The following ZCCHC7 variants were observed in gnomAD, a reference collection of about 807,000 sequenced individuals.
ZCCHC7 encodes the protein zinc finger CCHC-type containing 7.
In ZCCHC7, 35 loss-of-function variants were observed where a neutral mutation model predicts 52.0. The ratio of observed to expected loss-of-function variants is 0.67; its 90% confidence interval spans 0.51 to 0.89. The LOEUF is 0.89. Ranked by LOEUF, ZCCHC7 falls within the 40% of genes least tolerant of loss-of-function variation. The pLI, the probability that ZCCHC7 is intolerant of heterozygous loss-of-function variation, is 0.00. For missense variants in ZCCHC7, 574 were observed against 649.1 expected (o/e 0.88, Z 1.26); for synonymous variants, 217 against 221.5 (o/e 0.98, Z 0.18).
chr9:37,157,302 G>C (rs1386684540), intron 2 of ZCCHC7, among the ~76,000 whole-genome samples: 1 of 151,494 alleles, frequency 6.6e-6, no homozygotes, highest in Non-Finnish European at 1.5e-5. Context: ...TTTGAAACTA[G>C]CCTGGGCAAC....
chr9:37,220,496 C>T (rs1279183003), intron 2 of ZCCHC7, among the ~76,000 whole-genome samples: 2 of 152,050 alleles, frequency 1.3e-5, no homozygotes, highest in Non-Finnish European at 2.9e-5. Context: ...GAGCTGAGAT[C>T]GTGCCACTGC....
At chr9:37,269,048 G>A (rs138502910) in intron 2 of ZCCHC7, among the ~76,000 whole-genome samples, 3 of 152,324 alleles carry the variant, frequency 2.0e-5, no homozygotes, top group African/African-American at 7.2e-5. Context: ...GGCAAAGAGT[G>A]TTTTGATCCA....
rs5897683 is a variant in ZCCHC7, at chr9:37,258,757, TAAAAAAAAAAAA to T, written c.611-43414_611-43403del. On this transcript the variant is annotated intron_variant, in intron 2 of 8. Coordinates refer to ENST00000336755, the MANE Select transcript of ZCCHC7 (RefSeq NM_032226.3). The stretch of plus-strand genomic sequence containing the variant: ...GGTGAGAGAGCGAGATCCTGTCTCT[TAAAAAAAAAAAA>T]AAAAAAAAAAAAAAAAGTTTGTTCT... Among the ~76,000 whole-genome samples the T allele has an allele frequency of 3.4e-4, 19 of 55,368 alleles. No homozygotes were observed. In the South Asian group the frequency reaches 5.0e-3, roughly 15 times the overall value. 36.3% of individuals were successfully genotyped at this position (55,368 alleles called of 152,430 possible).
chr9:37,129,235 T>C (rs1842670306), intron 2 of ZCCHC7, among the ~76,000 whole-genome samples: 1 of 152,236 alleles, frequency 6.6e-6, no homozygotes, highest in Non-Finnish European at 1.5e-5. Context: ...ATGAATTAGG[T>C]GCTGGATTTA....
intron 2 of ZCCHC7, among the ~76,000 whole-genome samples, chr9:37,163,330 G>A (rs1192993206): frequency 1.4e-5 from 2 of 147,800 alleles, no homozygotes; most frequent in East Asian, 3.9e-4. Flanking sequence ...GGAGGTTGCA[G>A]TGAGCCAAGA....
At chr9:37,342,566 T>C (rs1380588964) in intron 6 of ZCCHC7, among the ~76,000 whole-genome samples, 1 of 152,064 alleles carries the variant, frequency 6.6e-6, no homozygotes, top group Non-Finnish European at 1.5e-5. Flanking sequence ...GAGAGATGGA[T>C]AGAAGCCAAC....
intron 2 of ZCCHC7, among the ~76,000 whole-genome samples, chr9:37,256,564 G>A (rs1196771350): frequency 6.6e-6 from 1 of 152,082 alleles, no homozygotes; most frequent in Non-Finnish European, 1.5e-5. Flanking sequence ...ACTTAGGAAT[G>A]TTCTTGAAGC....
intron 2 of ZCCHC7, among the ~76,000 whole-genome samples, chr9:37,202,283 TTAAAGGG>T (rs1338708504): frequency 2.0e-5 from 3 of 152,118 alleles, no homozygotes; most frequent in East Asian, 1.9e-4. Flanking sequence ...GAAGATAAAG[TTAAAGGG>T]TAAACAGTCA....
intron 5 of ZCCHC7, among the ~76,000 whole-genome samples, chr9:37,306,937 A>G (rs1829355280): frequency 1.3e-5 from 2 of 150,564 alleles, no homozygotes; most frequent in Admixed American, 6.6e-5. Context: ...ACAGGCGCCC[A>G]CCACCATGCC....
chr9:37,194,317 G>A (rs1447130437), intron 2 of ZCCHC7, among the ~76,000 whole-genome samples: 5 of 152,166 alleles, frequency 3.3e-5, no homozygotes, highest in African/African-American at 1.2e-4. Context: ...AGAGACTTTA[G>A]AGCTTACTTA....
intron 2 of ZCCHC7, among the ~76,000 whole-genome samples, chr9:37,140,722 C>G (rs552140474): frequency 6.6e-6 from 1 of 152,108 alleles, no homozygotes; most frequent in South Asian, 2.1e-4. Flanking sequence ...GTTAGTTAAA[C>G]TGACTTTGGT....
chr9:37,264,199 A>G (rs897587123), intron 2 of ZCCHC7, among the ~76,000 whole-genome samples: 17 of 152,312 alleles, frequency 1.1e-4, no homozygotes, highest in African/African-American at 4.1e-4. Flanking sequence ...TATTCCTACA[A>G]TGGATGCTTG....
At chr9:37,301,735 T>G (rs1829039804) in intron 2 of ZCCHC7, among the ~76,000 whole-genome samples, 1 of 152,232 alleles carries the variant, frequency 6.6e-6, no homozygotes, top group South Asian at 2.1e-4. Flanking sequence ...ATCTCCCTCC[T>G]GTGGATCCTC....
chr9:37,302,117 G>A, intron 2 of ZCCHC7, 71 bp from the exon 3 acceptor site: 1 of 1,267,266 alleles, frequency 7.9e-7, no homozygotes, highest in Non-Finnish European at 1.1e-6. Context: ...CTCATAAATT[G>A]TGTAATCTAT....
intron 3 of ZCCHC7, among the ~76,000 whole-genome samples, chr9:37,303,421 G>A (rs1415949206): frequency 1.4e-5 from 2 of 147,830 alleles, no homozygotes; most frequent in Non-Finnish European, 3.0e-5. Flanking sequence ...GTGAAACTCC[G>A]TCTCAAAAAA....
At chr9:37,302,085 C>T (rs958212815) in intron 2 of ZCCHC7, 103 bp from the exon 3 acceptor site, 25 of 912,416 alleles carry the variant, frequency 2.7e-5, no homozygotes, top group Non-Finnish European at 4.2e-5. Flanking sequence ...TCTCAGTGTA[C>T]CTTTGGGGTC....
chr9:37,219,419 A>G, intron 2 of ZCCHC7, among the ~76,000 whole-genome samples: 1 of 152,228 alleles, frequency 6.6e-6, no homozygotes, highest in Non-Finnish European at 1.5e-5. Flanking sequence ...TATACCTGAA[A>G]ATTAATTCCT....
Position 37,126,297 on chromosome 9 carries a change from C to T in ZCCHC7, c.-21-15C>T, listed in dbSNP as rs775681195. ...CTTTTAAAGTATATTCTGTGTACAA[C>T]TTTCTCTTTTGCAGCTTCAAGGTTA... On this transcript the variant is annotated splice_polypyrimidine_tract_variant and intron_variant, in intron 1 of 8. Transcript: ENST00000336755. The T allele has an allele frequency of 3.2e-6, 5 of 1,582,702 alleles. No homozygotes were observed. Among genetic ancestry groups the T allele is most frequent in the Non-Finnish European group, 4.3e-6 (5 of 1,166,816 alleles).
chr9:37,168,371 C>T (rs1478030644), intron 2 of ZCCHC7, among the ~76,000 whole-genome samples: 6 of 152,060 alleles, frequency 3.9e-5, no homozygotes, highest in Non-Finnish European at 7.3e-5. Context: ...CTCTTGATTT[C>T]TGTGTAATAA....
Sources: gnomAD v4.1 joint callset for allele counts (sites outside exome capture counted in the v4.1 genomes callset) on GRCh38, gnomAD v4.1.1 for gene constraint, MANE v1.5 for transcripts, NCBI Gene and HGNC (gene_info 2026-07-23, HGNC 2026-07-21) for gene names.